Variants in CNTNAP2 observed in about 807,000 individuals in gnomAD.
CNTNAP2 encodes contactin associated protein 2, also known as contactin-associated protein-like 2.
A neutral mutation model predicts 155.2 loss-of-function variants in CNTNAP2; 98 were observed. The ratio of observed to expected loss-of-function variants is 0.63; its 90% confidence interval spans 0.54 to 0.75. The LOEUF (loss-of-function observed/expected upper bound fraction) is 0.75. Among genes scored for constraint, CNTNAP2 ranks in the 30% least tolerant of loss-of-function variants. CNTNAP2 has a pLI of 0.00. For synonymous variants in CNTNAP2, 651 were observed against 631.2 expected, an observed-to-expected ratio of 1.03 and a Z score of -0.47; for missense variants, 1,727 against 1,688.1, an observed-to-expected ratio of 1.02 and a Z score of -0.40.
intron 11 of CNTNAP2, among the ~76,000 whole-genome samples, chr7:147,499,401 C>T (rs1304963585): frequency 2.0e-5 from 3 of 151,828 alleles, no homozygotes; most frequent in Non-Finnish European, 4.4e-5. Flanking sequence ...TGGTGGCAGG[C>T]GCCTGTAGTC....
chr7:147,972,563 A>C (rs1801351947), intron 14 of CNTNAP2, among the ~76,000 whole-genome samples: 1 of 152,210 alleles, frequency 6.6e-6, no homozygotes, highest in African/African-American at 2.4e-5. Flanking sequence ...CTGAAGGGAA[A>C]TAACAGTAAC....
intron 1 of CNTNAP2, among the ~76,000 whole-genome samples, chr7:146,592,751 A>G (rs772795619): frequency 1.3e-5 from 2 of 152,148 alleles, no homozygotes; most frequent in Non-Finnish European, 2.9e-5. Flanking sequence ...ATTAACTTCA[A>G]TAAGGATGGT....
At chr7:146,152,162 AC>A (rs1798061911) in intron 1 of CNTNAP2, among the ~76,000 whole-genome samples, 1 of 152,134 alleles carries the variant, frequency 6.6e-6, no homozygotes, top group Non-Finnish European at 1.5e-5. Context: ...ATGTATATAC[AC>A]AATGGAATAC....
chr7:148,199,804 G>A (rs1196174414), intron 18 of CNTNAP2, among the ~76,000 whole-genome samples: 1 of 152,220 alleles, frequency 6.6e-6, no homozygotes, highest in East Asian at 1.9e-4. Flanking sequence ...AATGGAAATT[G>A]GCTCATGTTA....
At chr7:148,364,815 G>A (rs923965323) in intron 21 of CNTNAP2, among the ~76,000 whole-genome samples, 1 of 152,194 alleles carries the variant, frequency 6.6e-6, no homozygotes, top group East Asian at 1.9e-4. Context: ...ACCCGCTCGG[G>A]TCCTCTTCCA....
chr7:146,427,133 T>C (rs1027335058), intron 1 of CNTNAP2, among the ~76,000 whole-genome samples: 25 of 152,174 alleles, frequency 1.6e-4, no homozygotes, highest in African/African-American at 6.0e-4. Flanking sequence ...CTCCCCTCCG[T>C]GATCATTAAA....
chr7:147,500,886 T>C (rs554187380), intron 11 of CNTNAP2, among the ~76,000 whole-genome samples: 1 of 152,186 alleles, frequency 6.6e-6, no homozygotes, highest in Non-Finnish European at 1.5e-5. Context: ...ACTCATTTTA[T>C]GAGTCCAGCA....
intron 1 of CNTNAP2, among the ~76,000 whole-genome samples, chr7:146,635,892 C>G (rs533434937): frequency 7.6e-4 from 115 of 152,100 alleles, no homozygotes; most frequent in African/African-American, 2.7e-3. Context: ...AAATGCCTGT[C>G]TCTAGCCAGG....
At chr7:146,930,643 A>G (rs1184203023) in intron 3 of CNTNAP2, among the ~76,000 whole-genome samples, 1 of 152,218 alleles carries the variant, frequency 6.6e-6, no homozygotes, top group African/African-American at 2.4e-5. Flanking sequence ...AGACTGGCAA[A>G]TTGGATAAAG....
At chr7:146,159,645 G>A (rs1013656571) in intron 1 of CNTNAP2, among the ~76,000 whole-genome samples, 3 of 152,172 alleles carry the variant, frequency 2.0e-5, no homozygotes, top group African/African-American at 7.2e-5. Context: ...AGACAAAGAA[G>A]GCCATTAATA....
chr7:146,625,612 C>T (rs563898868), intron 1 of CNTNAP2, among the ~76,000 whole-genome samples: 7 of 151,940 alleles, frequency 4.6e-5, no homozygotes, highest in South Asian at 2.1e-4. Context: ...TAATAAAAGA[C>T]GCATTTTAAG....
chr7:146,306,036 T>C (rs113504497), intron 1 of CNTNAP2, among the ~76,000 whole-genome samples: 1 of 151,898 alleles, frequency 6.6e-6, no homozygotes, highest in Non-Finnish European at 1.5e-5. Context: ...AAGAATCAAA[T>C]AGACGCAATA....
At chr7:146,700,142 G>T (rs1800851010) in intron 1 of CNTNAP2, among the ~76,000 whole-genome samples, 2 of 151,916 alleles carry the variant, frequency 1.3e-5, no homozygotes, top group Admixed American at 6.6e-5. Flanking sequence ...GACCTCAAAG[G>T]GTTTTCATCC....
intron 8 of CNTNAP2, among the ~76,000 whole-genome samples, chr7:147,286,746 T>C (rs1160755335): frequency 6.6e-6 from 1 of 152,136 alleles, no homozygotes; most frequent in East Asian, 1.9e-4. Flanking sequence ...TTCTCCTTTA[T>C]AGCTAAACTA....
At chr7:147,736,089 G>A (rs199900649) in intron 13 of CNTNAP2, among the ~76,000 whole-genome samples, 17,387 of 132,692 alleles carry the variant, frequency 0.13, 1,605 homozygotes, top group Middle Eastern at 0.31. Flanking sequence ...TATTTTGCTC[G>A]TTAGTTGATG....
intron 8 of CNTNAP2, among the ~76,000 whole-genome samples, chr7:147,134,045 A>G (rs1241205258): frequency 6.6e-6 from 1 of 152,012 alleles, no homozygotes; most frequent in Non-Finnish European, 1.5e-5. Context: ...AAACTCCCAC[A>G]TTATATTGTT....
At chr7:147,446,056 C>T (rs1255944084) in intron 10 of CNTNAP2, among the ~76,000 whole-genome samples, 1 of 151,988 alleles carries the variant, frequency 6.6e-6, no homozygotes, top group East Asian at 1.9e-4. Context: ...CATACCATCA[C>T]AGAACAGTCC....
chr7:147,602,420 A>G lies in CNTNAP2; in HGVS notation c.1898-36686A>G, dbSNP rs1477483312. Among the ~76,000 whole-genome samples, 8 of 151,394 alleles carry G rather than the reference A, an allele frequency of 5.3e-5. No individual in the cohort carries two copies. In the South Asian group the frequency reaches 1.0e-3, roughly 20 times the overall value. ...TTTAACCCAATATATCCAAAATATT[A>G]CCACATCAATGGGCAATTAATATAA... is the stretch of plus-strand genomic sequence containing the variant. On this transcript the variant is annotated intron_variant, in intron 12 of 23. Transcript: ENST00000361727.
chr7:148,055,727 ACACATTGCAGT>A (rs1452521355), intron 15 of CNTNAP2, among the ~76,000 whole-genome samples: 85 of 151,696 alleles, frequency 5.6e-4, no homozygotes, highest in Non-Finnish European at 2.2e-4. Flanking sequence ...TGCCAAGTTA[ACACATTGCAGT>A]TAAGAAGGAA....
Sources: allele counts gnomAD v4.1 joint callset (sites outside exome capture counted in the v4.1 genomes callset), GRCh38; gene constraint gnomAD v4.1.1; transcripts MANE v1.5; gene names NCBI Gene and HGNC (gene_info 2026-07-23, HGNC 2026-07-21).